The following ZNRF1 variants were observed in gnomAD, a reference collection of about 807,000 sequenced individuals.
ZNRF1 encodes E3 ubiquitin-protein ligase ZNRF1.
In ZNRF1, 3 loss-of-function variants were observed where a neutral mutation model predicts 18.4. The ratio of observed to expected loss-of-function variants is 0.16; its 90% CI spans 0.07 to 0.42. The LOEUF (loss-of-function observed/expected upper bound fraction) is 0.42, where lower values mean the gene tolerates loss of function less well. Among genes scored for constraint, ZNRF1 ranks in the 10% least tolerant of loss-of-function variants. The pLI is 0.99. For synonymous variants in ZNRF1, 157 were observed against 144.2 expected (o/e 1.09, Z -0.64); for missense variants, 310 against 329.8 (o/e 0.94, Z 0.47).
At chr16:75,085,828 G>A (rs543816188) in intron 1 of ZNRF1, among the ~76,000 whole-genome samples, 3 of 151,922 alleles carry the variant, frequency 2.0e-5, no homozygotes, top group South Asian at 4.2e-4. Context: ...GTGAGTGTGT[G>A]TGTGTGTGTG....
At chr16:75,089,813 C>T (rs1367330374) in intron 1 of ZNRF1, among the ~76,000 whole-genome samples, 3 of 152,186 alleles carry the variant, frequency 2.0e-5, no homozygotes, top group Non-Finnish European at 2.9e-5. Flanking sequence ...GGGTGGCCTA[C>T]TTCCTAGTAC....
intron 1 of ZNRF1, among the ~76,000 whole-genome samples, chr16:75,065,141 A>G (rs1223116724): frequency 6.6e-6 from 1 of 152,274 alleles, no homozygotes; most frequent in Admixed American, 6.5e-5. Flanking sequence ...TGGCAATTAT[A>G]GTATTACAAG....
Position 75,070,926 on chromosome 16 carries a change from C to T in ZNRF1, c.425-22646C>T, listed in dbSNP as rs114638428. 3.3e-3 allele frequency among the ~76,000 whole-genome samples: 505 copies of T among 152,306 alleles called. 2 individuals carry two copies. Among genetic ancestry groups the T allele is most frequent in the African/African-American group, 0.012 (485 of 41,566 alleles). ...AAACTATGCTTTATCCATTTGTTCT[C>T]ATACTGGTGCTGCATAACAAAATAC... is the stretch of plus-strand genomic sequence containing the variant. On this transcript the variant is annotated intron_variant, in intron 1 of 4. Coordinates refer to ENST00000335325, the MANE Select transcript of ZNRF1 (RefSeq NM_032268.5).
intron 1 of ZNRF1, among the ~76,000 whole-genome samples, chr16:75,025,645 C>T (rs1317160550): frequency 6.6e-6 from 1 of 152,142 alleles, no homozygotes; most frequent in Non-Finnish European, 1.5e-5. Flanking sequence ...AGAGCTCGAC[C>T]CCCACTGCAG....
rs575115886 is a variant in ZNRF1, at chr16:75,004,839, C to T, written c.424+4744C>T. Among the ~76,000 whole-genome samples, 5 of 152,270 alleles carry T rather than the reference C, an allele frequency of 3.3e-5. No homozygotes were observed. The East Asian group carries it at 9.7e-4, about 29-fold the overall frequency. Reference sequence around the variant, plus strand: ...CTATGTTGCCTAGGCTGGCCTCAAACTCCGGGCTTTAAGCAATCCTCCCAC... The same window carrying T: ...CTATGTTGCCTAGGCTGGCCTCAAATTCCGGGCTTTAAGCAATCCTCCCAC... On this transcript the variant is annotated intron_variant, in intron 1 of 4. Transcript: ENST00000335325.
At chr16:75,029,391 G>A (rs1207833687) in intron 1 of ZNRF1, among the ~76,000 whole-genome samples, 2 of 151,882 alleles carry the variant, frequency 1.3e-5, no homozygotes, top group African/African-American at 2.4e-5. Flanking sequence ...CTTGTGATTC[G>A]CCTGCCTCGG....
rs118075404 is a variant in ZNRF1, at chr16:75,094,130, T to C, written c.520+463T>C. On this transcript the variant is annotated intron_variant, in intron 2 of 4. Transcript: ENST00000335325. ...ATAGAGTGCTGGGAAGCTGGTCGTCTCCTTGTCACGTTCGAACTCGGACGA... is the reference window on the plus strand; with the variant it reads ...ATAGAGTGCTGGGAAGCTGGTCGTCCCCTTGTCACGTTCGAACTCGGACGA... 6.3e-3 allele frequency among the ~76,000 whole-genome samples: 963 copies of C among 152,248 alleles called. 10 individuals are homozygous for C. Among genetic ancestry groups the C allele is most frequent in the Non-Finnish European group, 0.01 (691 of 68,010 alleles).
intron 1 of ZNRF1, among the ~76,000 whole-genome samples, chr16:75,091,738 T>C (rs1318722659): frequency 2.0e-5 from 3 of 151,804 alleles, no homozygotes; most frequent in Non-Finnish European, 4.4e-5. Flanking sequence ...GCTTTTGCCA[T>C]GTTGCCTAGG....
chr16:75,102,893 C>T (rs917613231), intron 2 of ZNRF1, among the ~76,000 whole-genome samples: 31 of 152,206 alleles, frequency 2.0e-4, no homozygotes, highest in African/African-American at 6.8e-4. Context: ...GGCTGCTGCG[C>T]ACTCCTTGTT....
chr16:75,091,670 C>T (rs2036141519), intron 1 of ZNRF1, among the ~76,000 whole-genome samples: 1 of 151,630 alleles, frequency 6.6e-6, no homozygotes, highest in African/African-American at 2.4e-5. Context: ...GTAGCTAGGA[C>T]TACAGGCACA....
chr16:75,026,484 A>G (rs529096260), intron 1 of ZNRF1, among the ~76,000 whole-genome samples: 9 of 152,322 alleles, frequency 5.9e-5, no homozygotes, highest in African/African-American at 2.2e-4. Flanking sequence ...AGATTAGGAA[A>G]AGTACTTGGA....
rs1244371270 is a variant in ZNRF1 at position 75,104,837 on chromosome 16, C to G, written c.574C>G (p.Leu192Val). ...GTGTGTGATCTGCCTGGAGGAGCTG[C>G]TGCAGGGGGACACGATAGCCAGGCT... ...GECVICLEELLQGDTIARLPC... is the reference protein window; with the variant it reads ...GECVICLEELVQGDTIARLPC... Residue 192 changes from leucine (L) to valine (V), a missense_variant, in exon 3 of 5, where the codon CTG (leucine) becomes GTG (valine). By Grantham distance (32) the Leu-to-Val change is conservative. Around this residue, in one of 2 missense-constraint regions of ZNRF1, gnomAD observed 293 missense variants for 291.2 expected, o/e 1.01. Coordinates refer to ENST00000335325, the MANE Select transcript of ZNRF1 (RefSeq NM_032268.5). 6.2e-7 allele frequency: 1 copy of G among 1,611,270 alleles called. No homozygotes were observed. The highest frequency in any genetic ancestry group is 1.1e-5 in the South Asian group (1 of 89,950).
At chr16:75,012,650 T>C (rs1567465396) in intron 1 of ZNRF1, among the ~76,000 whole-genome samples, 1 of 152,222 alleles carries the variant, frequency 6.6e-6, no homozygotes, top group Non-Finnish European at 1.5e-5. Flanking sequence ...AGAATTATGA[T>C]ATCAAATCTC....
chr16:75,036,786 T>G lies in ZNRF1; in HGVS notation c.424+36691T>G, dbSNP rs905385910. Among the ~76,000 whole-genome samples, 5 of 152,378 alleles carry G rather than the reference T, an allele frequency of 3.3e-5. No homozygotes were observed. The South Asian group carries it at 8.3e-4, about 25-fold the overall frequency. ...TACACCTGGATGGTATATGTTTGTA[T>G]GTATGTATTATACACACGTATGTTT... On this transcript the variant is annotated intron_variant, in intron 1 of 4. Transcript: ENST00000335325.
intron 1 of ZNRF1, among the ~76,000 whole-genome samples, chr16:75,071,841 C>T (rs771453907): frequency 3.9e-5 from 6 of 152,176 alleles, no homozygotes; most frequent in East Asian, 1.9e-4. Flanking sequence ...CCTGTCACCC[C>T]GGGGCCTTTG....
At chr16:75,096,348 C>T (rs935045034) in intron 2 of ZNRF1, among the ~76,000 whole-genome samples, 3 of 152,176 alleles carry the variant, frequency 2.0e-5, no homozygotes, top group South Asian at 2.1e-4. Context: ...CATTTGCTTC[C>T]GGGGGTGTAT....
At chr16:75,099,246 C>T (rs1477512028) in intron 2 of ZNRF1, among the ~76,000 whole-genome samples, 1 of 152,168 alleles carries the variant, frequency 6.6e-6, no homozygotes, top group East Asian at 1.9e-4. Context: ...GTGTGTGTGT[C>T]TGAGGAGTTA....
intron 1 of ZNRF1, among the ~76,000 whole-genome samples, chr16:75,064,611 C>A (rs2035780619): frequency 6.6e-6 from 1 of 151,340 alleles, no homozygotes; most frequent in African/African-American, 2.4e-5. Context: ...GGATTAAATG[C>A]AACAATGTAA....
chr16:75,096,052 A>G (rs368572514), intron 2 of ZNRF1, among the ~76,000 whole-genome samples: 7 of 110,008 alleles, frequency 6.4e-5, no homozygotes, highest in Admixed American at 1.9e-4. Flanking sequence ...GTGTTTCTGT[A>G]TGTGTGCACG....
Sources: allele counts gnomAD v4.1 joint callset (sites outside exome capture counted in the v4.1 genomes callset), GRCh38; gene constraint gnomAD v4.1.1; regional missense constraint gnomAD v4.1.1; transcripts MANE v1.5; gene names NCBI Gene and HGNC (gene_info 2026-07-23, HGNC 2026-07-21).